DNAH10: variants seen among roughly 807,000 people sequenced by gnomAD.
DNAH10 encodes dynein axonemal heavy chain 10, also known as axonemal beta dynein heavy chain 10.
A neutral mutation model predicts 506.6 loss-of-function variants in DNAH10; 348 were observed. The observed-to-expected ratio is 0.69, with a 90% CI of 0.63 to 0.75. The LOEUF is 0.75. DNAH10 is among the 30% of genes least tolerant of loss of function. DNAH10 has a pLI of 0.00. For missense variants in DNAH10, 5,179 were observed against 5,787.1 expected (o/e 0.89, Z 3.41); for synonymous variants, 2,059 against 2,198.6 (o/e 0.94, Z 1.78).
chr12:123,819,700 GTTTTTTTTTT>G (rs768231077), intron 23 of DNAH10, among the ~76,000 whole-genome samples: 2 of 101,840 alleles, frequency 2.0e-5, no homozygotes, highest in African/African-American at 4.0e-5. Flanking sequence ...CTAAAATTCT[GTTTTTTTTTT>G]TTTTTTTTTT....
At chr12:123,867,343 C>T (rs1037328236) in intron 41 of DNAH10, 124 bp from the exon 42 acceptor site, 9 of 1,085,984 alleles carry the variant, frequency 8.3e-6, no homozygotes, top group Middle Eastern at 3.0e-4. Context: ...GATTTCCTCA[C>T]CTGCCAAATG....
At chr12:123,813,138 T>C (rs758570705) in intron 19 of DNAH10, 26 bp from the exon 20 acceptor site, 2 of 1,563,062 alleles carry the variant, frequency 1.3e-6, no homozygotes, top group Non-Finnish European at 1.7e-6. Context: ...AAATACTGTC[T>C]TTTCTCCTAA....
chr12:123,934,312 G>A (rs768791059), intron 77 of DNAH10: 32 of 686,376 alleles, frequency 4.7e-5, no homozygotes, highest in South Asian at 4.4e-4. Context: ...TAGCCTGGGG[G>A]CCCAGGGTGG....
At chr12:123,775,021 C>T (rs1957388603) in intron 5 of DNAH10, among the ~76,000 whole-genome samples, 1 of 152,142 alleles carries the variant, frequency 6.6e-6, no homozygotes, top group Non-Finnish European at 1.5e-5. Flanking sequence ...GAAAATAAAC[C>T]CTGATATGAG....
At chr12:123,872,833 A>T (rs1327794769) in intron 45 of DNAH10, among the ~76,000 whole-genome samples, 1 of 152,164 alleles carries the variant, frequency 6.6e-6, no homozygotes, top group Non-Finnish European at 1.5e-5. Flanking sequence ...CAAAACAAAA[A>T]CACCCTGATC....
chr12:123,843,065 C>T (rs920010490), intron 30 of DNAH10, among the ~76,000 whole-genome samples: 2 of 152,346 alleles, frequency 1.3e-5, no homozygotes, highest in Middle Eastern at 3.4e-3. Context: ...TTTATTTTCA[C>T]GATAGCTACC....
intron 11 of DNAH10, 26 bp from the exon 12 acceptor site, chr12:123,793,916 G>A: frequency 4.2e-6 from 5 of 1,193,978 alleles, no homozygotes; most frequent in Non-Finnish European, 5.4e-6. Flanking sequence ...AGGGGCATGA[G>A]GGTTGTTTTG....
At position 123,811,507 on chromosome 12, in the gene DNAH10, AT is replaced by A. The variant is rs199572725; in HGVS notation, c.3145-1646del. Reference sequence around the variant, plus strand: ...CCAGATAATTTTTGTATTTTTATTTATTTTTTTTTTTGAGATAGAGTCTTGC... The same window carrying A: ...CCAGATAATTTTTGTATTTTTATTTATTTTTTTTTTGAGATAGAGTCTTGC... On this transcript the variant is annotated intron_variant, in intron 19 of 78. Transcript: ENST00000673944. Among the ~76,000 whole-genome samples the A allele has an allele frequency of 2.1e-3, 283 of 137,088 alleles. 1 individual carries two copies. Among genetic ancestry groups the A allele is most frequent in the African/African-American group, 2.9e-3 (106 of 36,740 alleles). The allele number at this position is 137,088 out of a possible 152,430, so 89.9% of individuals were successfully genotyped here.
chr12:123,797,320 G>C (rs1307012958), intron 13 of DNAH10, among the ~76,000 whole-genome samples: 1 of 152,196 alleles, frequency 6.6e-6, no homozygotes, highest in East Asian at 1.9e-4. Context: ...CTGTGAGTTA[G>C]AGGGTCTTTC....
intron 65 of DNAH10, chr12:123,923,559 C>T (rs1005445379): frequency 1.3e-5 from 6 of 473,882 alleles, no homozygotes; most frequent in Non-Finnish European, 2.2e-5. Context: ...GAGCATGTCA[C>T]TACAGACTGG....
intron 18 of DNAH10, among the ~76,000 whole-genome samples, chr12:123,807,692 C>T (rs1473924940): frequency 2.0e-5 from 3 of 150,972 alleles, no homozygotes; most frequent in Non-Finnish European, 2.9e-5. Flanking sequence ...TTTTATCTGA[C>T]AGCCATGGGA....
chr12:123,802,784 A>C (rs1594064066), intron 16 of DNAH10, among the ~76,000 whole-genome samples: 1 of 142,194 alleles, frequency 7.0e-6, no homozygotes, highest in South Asian at 2.2e-4. Context: ...ATGATATCTC[A>C]TGGTTCTGAT....
In DNAH10 at chr12:123,808,873, G is replaced by A. The variant is rs1430301427; in HGVS notation, c.3064G>A (p.Glu1022Lys). Reference sequence around the variant, plus strand: ...CACTGAAACCATTCTGACGGCACCTGAGATCATCCTTCATCCCAACACAAA... The same window carrying A: ...CACTGAAACCATTCTGACGGCACCTAAGATCATCCTTCATCCCAACACAAA... The part of the protein sequence containing the change: ...FHTETILTAP[E>K]IILHPNTNEI... The change falls in exon 19 of 79, where the codon GAG (glutamate) becomes AAG (lysine). Residue 1022 changes from glutamate (E) to lysine (K), a missense_variant. Physicochemically the swap from Glu to Lys is moderately conservative, Grantham distance 56. Around this residue, in one of 3 missense-constraint regions of DNAH10, gnomAD observed 4,844 missense variants for 5,430.5 expected, o/e 0.89. Transcript: ENST00000673944. 1.2e-6 allele frequency: 2 copies of A among 1,614,060 alleles called. No individual in the cohort carries two copies. Among genetic ancestry groups the A allele is most frequent in the Non-Finnish European group, 1.7e-6 (2 of 1,180,038 alleles).
chr12:123,803,558 T>A (rs2136288674), intron 16 of DNAH10, 103 bp from the exon 17 acceptor site: 1 of 1,202,706 alleles, frequency 8.3e-7, no homozygotes, highest in Non-Finnish European at 1.1e-6. Flanking sequence ...AGCAGGGTCT[T>A]TCCTGCAAAG....
In DNAH10 at chr12:123,870,461, G is replaced by C; in HGVS notation, c.7615G>C (p.Glu2539Gln). ...KLVPEYIHAP[E>Q]RKFINILVHT... The stretch of plus-strand genomic sequence containing the variant: ...AGTTCCAGAGTATATTCATGCCCCC[G>C]AGAGGAAATTCATCAACATCCTGGG... The change falls in exon 44 of 79, where the codon GAG becomes CAG. Residue 2539 changes from glutamate (E) to glutamine (Q), a missense_variant. This residue lies in a region of DNAH10 where 4,844 missense variants were observed against 5,430.5 expected (regional missense o/e 0.89). Transcript: ENST00000673944. 1.2e-6 allele frequency: 2 copies of C among 1,613,578 alleles called. No homozygotes were observed. Among genetic ancestry groups the C allele is most frequent in the Non-Finnish European group, 1.7e-6 (2 of 1,179,828 alleles).
chr12:123,862,623 C>T (rs2136880323), intron 39 of DNAH10, among the ~76,000 whole-genome samples: 1 of 152,054 alleles, frequency 6.6e-6, no homozygotes, highest in East Asian at 1.9e-4. Flanking sequence ...ACTCCTGGGC[C>T]CAAGGAATCC....
At chr12:123,778,993 G>A (rs1422216844) in intron 5 of DNAH10, among the ~76,000 whole-genome samples, 6 of 151,570 alleles carry the variant, frequency 4.0e-5, no homozygotes, top group African/African-American at 4.9e-5. Flanking sequence ...TCTGCCTCCC[G>A]GGTTCATGCC....
chr12:123,851,123 G>A (rs778250484), intron 35 of DNAH10, 47 bp downstream of exon 35: 29 of 1,515,736 alleles, frequency 1.9e-5, no homozygotes, highest in South Asian at 6.5e-5. Context: ...GACTTCACCC[G>A]GGTCTGCTTC....
At chr12:123,796,974 G>A (rs577578625) in intron 13 of DNAH10, 142 bp downstream of exon 13, 31 of 684,580 alleles carry the variant, frequency 4.5e-5, no homozygotes, top group Non-Finnish European at 6.0e-5. Flanking sequence ...AGGTTCAAGC[G>A]ATTCTCTTGC....
Sources: allele counts gnomAD v4.1 joint callset (sites outside exome capture counted in the v4.1 genomes callset), GRCh38; gene constraint gnomAD v4.1.1; regional missense constraint gnomAD v4.1.1; transcripts MANE v1.5; gene names NCBI Gene and HGNC (gene_info 2026-07-23, HGNC 2026-07-21).